The following CTDSPL variants were observed in gnomAD, a reference collection of about 807,000 sequenced individuals.
The protein encoded by CTDSPL is CTD small phosphatase-like protein.
A neutral mutation model predicts 30.5 loss-of-function variants in CTDSPL; 8 were observed. The observed-to-expected ratio is 0.26, with a 90% CI of 0.15 to 0.47. The LOEUF (loss-of-function observed/expected upper bound fraction) is 0.47, where lower values mean the gene tolerates loss of function less well. Ranked by LOEUF, CTDSPL falls within the 20% of genes least tolerant of loss-of-function variation. The pLI is 0.99. For synonymous variants in CTDSPL, 110 were observed against 137.9 expected, an observed-to-expected ratio of 0.80 and a Z score of 1.42; for missense variants, 248 against 366.1, an observed-to-expected ratio of 0.68 and a Z score of 2.63.
chr3:37,935,584 C>A (rs1018760211), intron 1 of CTDSPL, among the ~76,000 whole-genome samples: 1 of 152,242 alleles, frequency 6.6e-6, no homozygotes, highest in East Asian at 1.9e-4. Context: ...AGTGCTGAGG[C>A]AAGGAAGGGC....
chr3:37,974,800 T>C (rs1336406569), intron 6 of CTDSPL, among the ~76,000 whole-genome samples: 1 of 152,126 alleles, frequency 6.6e-6, no homozygotes, highest in Non-Finnish European at 1.5e-5. Flanking sequence ...CAGGGGCTGG[T>C]CTGGCCCAAG....
At chr3:37,934,214 C>A (rs1698889037) in intron 1 of CTDSPL, among the ~76,000 whole-genome samples, 2 of 151,962 alleles carry the variant, frequency 1.3e-5, no homozygotes, top group South Asian at 4.2e-4. Flanking sequence ...GTAGTCCCAG[C>A]TATTCAGGAG....
chr3:37,969,769 C>T (rs1451698223), intron 5 of CTDSPL, among the ~76,000 whole-genome samples: 1 of 152,214 alleles, frequency 6.6e-6, no homozygotes, highest in South Asian at 2.1e-4. Flanking sequence ...ACATCCTGTT[C>T]CTCCAGCCCC....
intron 1 of CTDSPL, among the ~76,000 whole-genome samples, chr3:37,946,259 C>T (rs912231249): frequency 2.6e-5 from 4 of 152,292 alleles, no homozygotes; most frequent in Admixed American, 6.5e-5. Context: ...GGCAGCTTGT[C>T]GTGAGCCTTG....
At chr3:37,960,402 C>A (rs1415794371) in intron 3 of CTDSPL, among the ~76,000 whole-genome samples, 1 of 142,164 alleles carries the variant, frequency 7.0e-6, no homozygotes, top group South Asian at 2.3e-4. Flanking sequence ...ATCACTTGAA[C>A]CCGGGAGGTG....
chr3:37,903,008 T>C (rs1009728321), intron 1 of CTDSPL, among the ~76,000 whole-genome samples: 1 of 152,226 alleles, frequency 6.6e-6, no homozygotes, highest in African/African-American at 2.4e-5. Context: ...ATGGTGGTGC[T>C]GGTCCCAGGT....
intron 1 of CTDSPL, among the ~76,000 whole-genome samples, chr3:37,900,807 ATTAT>A (rs1022428776): frequency 1.3e-5 from 2 of 151,936 alleles, no homozygotes; most frequent in African/African-American, 4.8e-5. Context: ...TATTATTATT[ATTAT>A]TTTTTTAGAC....
chr3:37,919,442 A>C (rs1480168751), intron 1 of CTDSPL, among the ~76,000 whole-genome samples: 2 of 152,220 alleles, frequency 1.3e-5, no homozygotes, highest in African/African-American at 4.8e-5. Context: ...ACATGACAGA[A>C]AGACAGGTTC....
intron 1 of CTDSPL, among the ~76,000 whole-genome samples, chr3:37,899,735 A>G (rs1237923512): frequency 6.6e-6 from 1 of 152,218 alleles, no homozygotes; most frequent in Admixed American, 6.5e-5. Flanking sequence ...AAGACTCTTC[A>G]ATTGCATTCA....
intron 1 of CTDSPL, among the ~76,000 whole-genome samples, chr3:37,903,952 T>C (rs973111131): frequency 6.6e-6 from 1 of 152,250 alleles, no homozygotes; most frequent in African/African-American, 2.4e-5. Flanking sequence ...AAGCAGTTCA[T>C]GCAGTGGCTA....
Position 37,983,092 on chromosome 3 carries a change from G to T in CTDSPL, c.*2225G>T, listed in dbSNP as rs75142232. The T allele has an allele frequency of 3.5e-4, 59 of 169,228 alleles. 1 individual carries two copies. The East Asian group carries it at 9.4e-3, about 27-fold the overall frequency. The allele number at this position is 169,228 out of a possible 1,614,324, so 10.5% of individuals were successfully genotyped here. ...ACTTCACCTAGTAGTTCCTGAAACTGTGAGCACCACTGCACTAAGCCAGTG... is the reference window on the plus strand; with the variant it reads ...ACTTCACCTAGTAGTTCCTGAAACTTTGAGCACCACTGCACTAAGCCAGTG... On this transcript the variant is annotated 3_prime_UTR_variant, in exon 8 of 8. Transcript: ENST00000273179.
intron 3 of CTDSPL, among the ~76,000 whole-genome samples, chr3:37,960,535 T>TATATATACAC (rs1327299412): frequency 6.8e-4 from 11 of 16,280 alleles, no homozygotes; most frequent in Admixed American, 1.4e-3. Flanking sequence ...TATATATATA[T>TATATATACAC]ACACACACAC....
chr3:37,948,423 A>G (rs185209529), intron 2 of CTDSPL, among the ~76,000 whole-genome samples: 57 of 152,380 alleles, frequency 3.7e-4, no homozygotes, highest in Non-Finnish European at 1.6e-4. Flanking sequence ...CACTGAAAGA[A>G]GATTATTCAT....
At chr3:37,974,121 A>G (rs767893288) in intron 6 of CTDSPL, among the ~76,000 whole-genome samples, 25 of 152,182 alleles carry the variant, frequency 1.6e-4, no homozygotes, top group Admixed American at 3.3e-4. Flanking sequence ...TCTTCTTCCA[A>G]TGTGGCCCAG....
chr3:37,906,820 T>A (rs1324500948), intron 1 of CTDSPL, among the ~76,000 whole-genome samples: 1 of 152,204 alleles, frequency 6.6e-6, no homozygotes, highest in Admixed American at 6.5e-5. Flanking sequence ...CCTTTGTGAC[T>A]AAGAAAGTCA....
chr3:37,968,804 C>T lies in CTDSPL; in HGVS notation c.426+922C>T, dbSNP rs80047096. Among the ~76,000 whole-genome samples the T allele has an allele frequency of 4.8e-3, 737 of 152,290 alleles. 3 individuals carry two copies. The highest frequency in any genetic ancestry group is 0.017 in the African/African-American group (708 of 41,548). ...TGTCTAGATGGAGAAACTGAGGCTC[C>T]GCCAGGGAAGGGGTTGGTTAAAGGT... is the stretch of plus-strand genomic sequence containing the variant. On this transcript the variant is annotated intron_variant, in intron 5 of 7. Transcript: ENST00000273179.
intron 7 of CTDSPL, 124 bp downstream of exon 7, chr3:37,976,018 T>C: frequency 9.5e-7 from 1 of 1,049,870 alleles, no homozygotes; most frequent in Non-Finnish European, 1.4e-6. Flanking sequence ...AAATCCCAGC[T>C]CTGCCATTTA....
intron 1 of CTDSPL, among the ~76,000 whole-genome samples, chr3:37,883,040 A>T (rs754595273): frequency 7.2e-5 from 11 of 152,360 alleles, no homozygotes; most frequent in Non-Finnish European, 1.3e-4. Flanking sequence ...CAAAAGAATG[A>T]TTTGCCAGTT....
chr3:37,862,868 T>C lies in CTDSPL; in HGVS notation c.79+590T>C, dbSNP rs917359959. Among the ~76,000 whole-genome samples the C allele has an allele frequency of 2.9e-4, 44 of 152,120 alleles. No homozygotes were observed. Among genetic ancestry groups the C allele is most frequent in the African/African-American group, 1.0e-3 (42 of 41,398 alleles). ...TGACAGAGTTTGTGAGTGTGTATGA[T>C]TGTGTGACTACACCACCCAACTGGC... On this transcript the variant is annotated intron_variant, in intron 1 of 7. Coordinates refer to ENST00000273179, the MANE Select transcript of CTDSPL (RefSeq NM_001008392.2). The surrounding 1 kb of genome is among the most constrained non-coding windows in gnomAD (Gnocchi z 4.3).
Sources: allele counts gnomAD v4.1 joint callset (sites outside exome capture counted in the v4.1 genomes callset), GRCh38; gene constraint gnomAD v4.1.1; non-coding constraint Gnocchi (gnomAD v3.1); transcripts MANE v1.5; gene names NCBI Gene and HGNC (gene_info 2026-07-23, HGNC 2026-07-21).